Variants in DAP observed in about 807,000 individuals in gnomAD.
The protein encoded by DAP is death associated protein.
In DAP, 8 loss-of-function variants were observed where a neutral mutation model predicts 13.8. The ratio of observed to expected loss-of-function variants is 0.58; its 90% CI spans 0.34 to 1.05. DAP has a LOEUF of 1.05. DAP is among the 50% of genes least tolerant of loss of function. DAP has a pLI of 0.03. For missense variants in DAP, 106 were observed against 133.2 expected, an observed-to-expected ratio of 0.80 and a Z score of 1.01; for synonymous variants, 47 against 47.5, an observed-to-expected ratio of 0.99 and a Z score of 0.04.
chr5:10,756,998 G>A (rs1419261982), intron 1 of DAP, among the ~76,000 whole-genome samples: 1 of 152,238 alleles, frequency 6.6e-6, no homozygotes, highest in Non-Finnish European at 1.5e-5. Flanking sequence ...TACTTCTACA[G>A]AGGACTGCAG....
At chr5:10,695,705 C>T (rs189209895) in intron 2 of DAP, among the ~76,000 whole-genome samples, 3 of 152,150 alleles carry the variant, frequency 2.0e-5, no homozygotes, top group African/African-American at 7.2e-5. Context: ...GATTTCAGGA[C>T]AAAACTTCAT....
At chr5:10,740,249 G>GA (rs1216388119) in intron 2 of DAP, among the ~76,000 whole-genome samples, 1 of 152,148 alleles carries the variant, frequency 6.6e-6, no homozygotes, top group Admixed American at 6.5e-5. Flanking sequence ...AATAGGAGAG[G>GA]AAAAAAGAGT....
At chr5:10,754,374 C>T (rs1740125867) in intron 1 of DAP, among the ~76,000 whole-genome samples, 1 of 152,088 alleles carries the variant, frequency 6.6e-6, no homozygotes, top group Admixed American at 6.5e-5. Context: ...GAGCTGGAGC[C>T]CCAGATACTT....
At chr5:10,700,659 C>A (rs1369370332) in intron 2 of DAP, among the ~76,000 whole-genome samples, 3 of 152,202 alleles carry the variant, frequency 2.0e-5, no homozygotes, top group Admixed American at 6.5e-5. Flanking sequence ...GGTAAATATT[C>A]ACTGAGCAAC....
chr5:10,723,656 ATT>A (rs1398161603), intron 2 of DAP, among the ~76,000 whole-genome samples: 1 of 152,262 alleles, frequency 6.6e-6, no homozygotes, highest in Non-Finnish European at 1.5e-5. Flanking sequence ...ACAGTCACTA[ATT>A]AACACATAGC....
chr5:10,761,105 G>A lies in DAP; in HGVS notation c.-37C>T, dbSNP rs761995566. On this transcript the variant is annotated 5_prime_UTR_variant, in exon 1 of 4. Transcript: ENST00000230895. ...GCTTCCGCGGGGCCGAGGCGGCGGCGCGGTTCTCGGGCCGGGCGGGCGTGC... is the reference window on the plus strand; with the variant it reads ...GCTTCCGCGGGGCCGAGGCGGCGGCACGGTTCTCGGGCCGGGCGGGCGTGC... 4 of 1,162,686 alleles carry A rather than the reference G, an allele frequency of 3.4e-6. No homozygotes were observed. The highest frequency in any genetic ancestry group is 4.5e-5 in the Admixed American group (1 of 22,276). The allele number at this position is 1,162,686 out of a possible 1,614,324, so 72.0% of individuals were successfully genotyped here.
chr5:10,729,173 T>C (rs1439593309), intron 2 of DAP, among the ~76,000 whole-genome samples: 1 of 152,174 alleles, frequency 6.6e-6, no homozygotes, highest in African/African-American at 2.4e-5. Flanking sequence ...ATGCCCACTT[T>C]CCACTGAAGC....
chr5:10,693,141 C>T lies in DAP; in HGVS notation c.153-9570G>A, dbSNP rs1272231714. The stretch of plus-strand genomic sequence containing the variant: ...ATGCACACGCACACACACACACACA[C>T]ACACACACACACGTGCGTAGTAGTA... On this transcript the variant is annotated intron_variant, in intron 2 of 3. Coordinates refer to ENST00000230895, the MANE Select transcript of DAP (RefSeq NM_004394.3). Among the ~76,000 whole-genome samples the T allele has an allele frequency of 2.8e-5, 4 of 144,696 alleles. No individual in the cohort carries two copies. In the East Asian group the frequency reaches 6.1e-4, roughly 22 times the overall value. 94.9% of individuals were successfully genotyped at this position (144,696 alleles called of 152,430 possible).
intron 2 of DAP, among the ~76,000 whole-genome samples, chr5:10,730,710 GA>G (rs1739433618): frequency 8.3e-6 from 1 of 120,196 alleles, no homozygotes. Flanking sequence ...GAGCCCTAGT[GA>G]GGGGGAATCT....
At chr5:10,742,608 G>A (rs1210003956) in intron 2 of DAP, among the ~76,000 whole-genome samples, 4 of 152,110 alleles carry the variant, frequency 2.6e-5, no homozygotes, top group Admixed American at 1.3e-4. Flanking sequence ...TTCTTCAGGT[G>A]GGCTTCTATA....
At position 10,761,002 on chromosome 5, in the gene DAP, A is replaced by G; in HGVS notation, c.55+12T>C. On this transcript the variant is annotated intron_variant, in intron 1 of 3. Transcript: ENST00000230895. ...GCACCCGCGCGTGGAGAGAGAGGAA[A>G]AGAGTCAGTACCGGCGGGCGGGTGT... 8.1e-7 allele frequency: 1 copy of G among 1,233,594 alleles called. No homozygotes were observed. Among genetic ancestry groups the G allele is most frequent in the Non-Finnish European group, 1.0e-6 (1 of 976,860 alleles). 76.4% of individuals were successfully genotyped at this position (1,233,594 alleles called of 1,614,324 possible). A position where few individuals can be genotyped will look rare whatever the true frequency, so the allele number is the denominator to read the frequency against.
chr5:10,698,782 A>G (rs758801056), intron 2 of DAP, among the ~76,000 whole-genome samples: 2 of 152,226 alleles, frequency 1.3e-5, no homozygotes, highest in Non-Finnish European at 2.9e-5. Flanking sequence ...AGGAATTTGG[A>G]GGAAAGAGAC....
intron 2 of DAP, among the ~76,000 whole-genome samples, chr5:10,724,423 G>A (rs1579806390): frequency 6.6e-6 from 1 of 152,228 alleles, no homozygotes; most frequent in African/African-American, 2.4e-5. Flanking sequence ...CTCTATAAAA[G>A]TCCCATAAGA....
chr5:10,709,347 T>A (rs776902092), intron 2 of DAP, among the ~76,000 whole-genome samples: 4 of 152,182 alleles, frequency 2.6e-5, no homozygotes, highest in Admixed American at 1.3e-4. Context: ...GCTGCAGCCG[T>A]GGAGCTCACA....
intron 2 of DAP, among the ~76,000 whole-genome samples, chr5:10,685,974 G>A (rs1438118553): frequency 6.6e-6 from 1 of 152,080 alleles, no homozygotes; most frequent in Non-Finnish European, 1.5e-5. Flanking sequence ...TCTGCTTATC[G>A]CACTTCACAG....
Position 10,687,244 on chromosome 5 carries a change from A to T in DAP, c.153-3673T>A, listed in dbSNP as rs145691627. On this transcript the variant is annotated intron_variant, in intron 2 of 3. Coordinates refer to ENST00000230895, the MANE Select transcript of DAP (RefSeq NM_004394.3). ...ATACAAGGAGATTAATGTTGTTTTCATGTCTGCTAAAACAACATTCATTCT... is the reference window on the plus strand; with the variant it reads ...ATACAAGGAGATTAATGTTGTTTTCTTGTCTGCTAAAACAACATTCATTCT... Among the ~76,000 whole-genome samples, 892 of 152,344 alleles carry T rather than the reference A, an allele frequency of 5.9e-3. 15 individuals carry two copies. Among genetic ancestry groups the T allele is most frequent in the African/African-American group, 0.02 (849 of 41,578 alleles).
At chr5:10,687,545 A>G (rs1738186496) in intron 2 of DAP, among the ~76,000 whole-genome samples, 1 of 152,182 alleles carries the variant, frequency 6.6e-6, no homozygotes, top group African/African-American at 2.4e-5. Flanking sequence ...TGAAAACAGC[A>G]AGAGAACTAG....
intron 2 of DAP, among the ~76,000 whole-genome samples, chr5:10,701,661 T>C (rs946619855): frequency 1.3e-5 from 2 of 152,170 alleles, no homozygotes; most frequent in Middle Eastern, 3.4e-3. Context: ...CTCTGACCAG[T>C]AGAGGGAGAA....
chr5:10,726,059 T>G (rs1356013749), intron 2 of DAP, among the ~76,000 whole-genome samples: 1 of 152,222 alleles, frequency 6.6e-6, no homozygotes, highest in Admixed American at 6.5e-5. Flanking sequence ...CAAGGACCGA[T>G]TAAGTTGAGA....
Sources: gnomAD v4.1 joint callset for allele counts (sites outside exome capture counted in the v4.1 genomes callset) on GRCh38, gnomAD v4.1.1 for gene constraint, MANE v1.5 for transcripts, NCBI Gene and HGNC (gene_info 2026-07-23, HGNC 2026-07-21) for gene names.